The following IGF2 variants were observed in gnomAD, a reference collection of about 807,000 sequenced individuals.
The protein encoded by IGF2 is insulin like growth factor 2, also known as insulin-like growth factor 2.
Under a neutral mutation model 12.0 loss-of-function variants are expected in IGF2, and 2 were observed. The observed-to-expected ratio is 0.17, with a 90% CI of 0.07 to 0.52. The LOEUF (loss-of-function observed/expected upper bound fraction) is 0.52. Among genes scored for constraint, IGF2 ranks in the 20% least tolerant of loss-of-function variants. The pLI, the probability that IGF2 is intolerant of heterozygous loss-of-function variation, is 0.95. For missense variants in IGF2, 211 were observed against 268.0 expected, an observed-to-expected ratio of 0.79 and a Z score of 1.48; for synonymous variants, 105 against 110.1, an observed-to-expected ratio of 0.95 and a Z score of 0.29.
rs953935829 is a variant in IGF2 at position 2,132,470 on chromosome 11, G to A, written c.*517C>T. ...CCAATTTGACTCAAAGTCCAAGGGA[G>A]AAGAGAAAGAGGGGGGTGGGGAGTG... On this transcript the variant is annotated 3_prime_UTR_variant, in exon 4 of 4. Coordinates refer to ENST00000416167, the MANE Select transcript of IGF2 (RefSeq NM_000612.6). 39 of 193,096 alleles carry A rather than the reference G, an allele frequency of 2.0e-4. No homozygotes were observed. The highest frequency in any genetic ancestry group is 7.9e-4 in the African/African-American group (34 of 43,158). The allele number at this position is 193,096 out of a possible 1,614,324, so 12.0% of individuals were successfully genotyped here.
In IGF2 at chr11:2,133,178, T is replaced by A. The variant is rs1042993851; in HGVS notation, c.352A>T (p.Thr118Ser). The A allele has an allele frequency of 3.2e-6, 5 of 1,582,244 alleles. No individual in the cohort carries two copies. Among genetic ancestry groups the A allele is most frequent in the Non-Finnish European group, 4.3e-6 (5 of 1,162,856 alleles). Residue 118 changes from threonine (T) to serine (S), a missense_variant, in exon 4 of 4, where the codon ACC becomes TCC. By Grantham distance (58) the Thr-to-Ser change is moderately conservative. Transcript: ENST00000416167. The surrounding 1 kb of genome is among the most constrained non-coding windows in gnomAD (Gnocchi z 8.9). Reference sequence around the variant, plus strand: ...AGGCGCTGGGTGGACTGCTTCCAGGTGTCATATTGGAAGAACTTGCCCACG... The same window carrying A: ...AGGCGCTGGGTGGACTGCTTCCAGGAGTCATATTGGAAGAACTTGCCCACG... ...YPVGKFFQYD[T>S]WKQSTQRLRR...
At position 2,131,115 on chromosome 11, in the gene IGF2, C is replaced by T. The variant is rs537801892; in HGVS notation, c.*1872G>A. 15 of 233,088 alleles carry T rather than the reference C, an allele frequency of 6.4e-5. No individual in the cohort carries two copies. The highest frequency in any genetic ancestry group is 2.0e-4 in the African/African-American group (9 of 45,414). The allele number at this position is 233,088 out of a possible 1,614,324, so 14.4% of individuals were successfully genotyped here. A position where few individuals can be genotyped will look rare whatever the true frequency, so the allele number is the denominator to read the frequency against. On this transcript the variant is annotated 3_prime_UTR_variant, in exon 4 of 4. Coordinates refer to ENST00000416167, the MANE Select transcript of IGF2 (RefSeq NM_000612.6). ...ACGCTGCGGGGGCCGTGGGGACAGG[C>T]GCCAAGGAGGCCAGCCTCACAAGGG...
chr11:2,135,229 G>A (rs933092906), intron 2 of IGF2, 138 bp downstream of exon 2: 23 of 739,062 alleles, frequency 3.1e-5, no homozygotes, highest in Non-Finnish European at 4.7e-5. Context: ...TCAGAAACGC[G>A]GCGGGAAGGT....
Position 2,133,806 on chromosome 11 carries a change from A to T in IGF2, c.158-141T>A. ...GCCACCCTGCGGGTCAGGGGAGGGA[A>T]GTGAGAGCTGGCAGGCAGAGGCGTC... On this transcript the variant is annotated intron_variant, in intron 2 of 3. Transcript: ENST00000416167. This position sits in a 1 kb window ranked among gnomAD's most constrained non-coding sequence, Gnocchi z 8.9. The T allele has an allele frequency of 9.9e-7, 1 of 1,005,650 alleles. No homozygotes were observed. Among genetic ancestry groups the T allele is most frequent in the Non-Finnish European group, 1.4e-6 (1 of 689,864 alleles). The allele number at this position is 1,005,650 out of a possible 1,614,324, so 62.3% of individuals were successfully genotyped here.
upstream of IGF2, chr11:2,140,027 C>T: frequency 8.8e-7 from 1 of 1,136,166 alleles, no homozygotes; most frequent in Admixed American, 3.2e-5. Context: ...GCGGGACGCG[C>T]GGAAGGCCGG....
chr11:2,146,664 C>A, the IGF2 span: 1 of 298,634 alleles, frequency 3.3e-6, no homozygotes, highest in Non-Finnish European at 6.7e-6. Flanking sequence ...GTAAAGACAC[C>A]TTTGAAAGAA....
chr11:2,142,637 G>A (rs547084924), upstream of IGF2, among the ~76,000 whole-genome samples: 1 of 152,254 alleles, frequency 6.6e-6, no homozygotes, highest in Admixed American at 6.5e-5. The surrounding 1 kb of genome is among the most constrained non-coding windows in gnomAD (Gnocchi z 5.7). Flanking sequence ...CCTGGCCGTT[G>A]GGGTTTCAGA....
chr11:2,133,265 C>A lies in IGF2; in HGVS notation c.307-42G>T. The A allele has an allele frequency of 5.1e-6, 7 of 1,363,124 alleles. No homozygotes were observed. The highest frequency in any genetic ancestry group is 7.0e-6 in the Non-Finnish European group (7 of 997,906). The allele number at this position is 1,363,124 out of a possible 1,614,324, so 84.4% of individuals were successfully genotyped here. A position where few individuals can be genotyped will look rare whatever the true frequency, so the allele number is the denominator to read the frequency against. On this transcript the variant is annotated intron_variant, in intron 3 of 3. Transcript: ENST00000416167. The surrounding 1 kb of genome is among the most constrained non-coding windows in gnomAD (Gnocchi z 8.9). ...CTGGTCAGCAGGTGCCTGCTCTCCACGCTCTTCCGCCTGAGCCGCCCGCCT... is the reference window on the plus strand; with the variant it reads ...CTGGTCAGCAGGTGCCTGCTCTCCAAGCTCTTCCGCCTGAGCCGCCCGCCT...
chr11:2,145,210 C>T (rs1319994828), upstream of IGF2, among the ~76,000 whole-genome samples: 3 of 152,334 alleles, frequency 2.0e-5, no homozygotes, highest in East Asian at 3.9e-4. Flanking sequence ...CTGGCCTCTC[C>T]GGCTGTGCCT....
chr11:2,136,774 C>G (rs1198706751), intron 1 of IGF2, among the ~76,000 whole-genome samples: 1 of 152,264 alleles, frequency 6.6e-6, no homozygotes, highest in African/African-American at 2.4e-5. Context: ...ACCGCCCCCT[C>G]TGCCACCCCC....
At chr11:2,145,012 C>T (rs887749698), upstream of IGF2, among the ~76,000 whole-genome samples, 2 of 152,062 alleles carry the variant, frequency 1.3e-5, no homozygotes, top group Non-Finnish European at 2.9e-5. Flanking sequence ...AGGGAGAACC[C>T]GCCCCCACCA....
At chr11:2,148,947 C>T in the IGF2 span, 2 of 619,316 alleles carry the variant, frequency 3.2e-6, no homozygotes, top group Non-Finnish European at 5.7e-6. This position sits in a 1 kb window ranked among gnomAD's most constrained non-coding sequence, Gnocchi z 4.3. Context: ...TCCTGCACAC[C>T]CCATCCCTGA....
Position 2,131,513 on chromosome 11 carries a change from T to C in IGF2, c.*1474A>G, listed in dbSNP as rs926627572. The C allele has an allele frequency of 8.7e-6, 2 of 229,974 alleles. No individual in the cohort carries two copies. Among genetic ancestry groups the C allele is most frequent in the Admixed American group, 1.1e-4 (2 of 17,630 alleles). The allele number at this position is 229,974 out of a possible 1,614,324, so 14.2% of individuals were successfully genotyped here. A position where few individuals can be genotyped will look rare whatever the true frequency, so the allele number is the denominator to read the frequency against. On this transcript the variant is annotated 3_prime_UTR_variant, in exon 4 of 4. Coordinates refer to ENST00000416167, the MANE Select transcript of IGF2 (RefSeq NM_000612.6). The stretch of plus-strand genomic sequence containing the variant: ...GTTTGTGTGCTGTGAGCTGTGTTCA[T>C]GTATGTGCTGCGCATGAGTGTGTGT...
chr11:2,146,459 C>G, the IGF2 span: 5 of 524,764 alleles, frequency 9.5e-6, no homozygotes, highest in East Asian at 5.5e-5. Flanking sequence ...ACTAAGGACC[C>G]GAACTGCAAC....
chr11:2,134,467 G>A (rs1273637447), intron 2 of IGF2, among the ~76,000 whole-genome samples: 1 of 152,282 alleles, frequency 6.6e-6, no homozygotes, highest in Non-Finnish European at 1.5e-5. Flanking sequence ...GAGGGCACAG[G>A]AGAGGCCAGG....
At chr11:2,137,666 G>A (rs1261486523) in intron 1 of IGF2, among the ~76,000 whole-genome samples, 3 of 152,042 alleles carry the variant, frequency 2.0e-5, no homozygotes, top group Admixed American at 1.3e-4. Context: ...CCCCTCTCCC[G>A]GGACTCCTGT....
upstream of IGF2, among the ~76,000 whole-genome samples, chr11:2,145,099 AC>A (rs2133632857): frequency 6.6e-6 from 1 of 150,920 alleles, no homozygotes; most frequent in Non-Finnish European, 1.5e-5. Context: ...TGCATCAATC[AC>A]CCCCATGTCC....
chr11:2,134,321 G>T (rs1858836891), intron 2 of IGF2: 1 of 357,532 alleles, frequency 2.8e-6, no homozygotes. Context: ...CCATCACGGG[G>T]GTCCCCCAAG....
chr11:2,145,986 C>T (rs7940502), upstream of IGF2, among the ~76,000 whole-genome samples: 4,872 of 152,152 alleles, frequency 0.032, 250 homozygotes, highest in African/African-American at 0.11. Flanking sequence ...AGGGTCTCCT[C>T]CCACCCAGAG....
Sources: gnomAD v4.1 joint callset for allele counts (sites outside exome capture counted in the v4.1 genomes callset) on GRCh38, gnomAD v4.1.1 for gene constraint, Gnocchi (gnomAD v3.1) non-coding constraint, MANE v1.5 for transcripts, NCBI Gene and HGNC (gene_info 2026-07-23, HGNC 2026-07-21) for gene names.